POGLUT2: variants seen among roughly 807,000 people sequenced by gnomAD.
POGLUT2 encodes protein O-glucosyltransferase 2, also known as ER protein 58.
POGLUT2 carries 47 observed loss-of-function variants against 57.6 expected under a neutral mutation model. The ratio of observed to expected loss-of-function variants is 0.82; its 90% CI spans 0.65 to 1.04. The LOEUF (loss-of-function observed/expected upper bound fraction) is 1.04. Among genes scored for constraint, POGLUT2 ranks in the 50% least tolerant of loss-of-function variants. POGLUT2 has a pLI of 0.00. For missense variants in POGLUT2, 565 were observed against 614.8 expected, an observed-to-expected ratio of 0.92 and a Z score of 0.86; for synonymous variants, 200 against 218.8, an observed-to-expected ratio of 0.91 and a Z score of 0.76.
At chr13:102,792,860 C>T (rs1248378495) in intron 4 of POGLUT2, among the ~76,000 whole-genome samples, 1 of 152,164 alleles carries the variant, frequency 6.6e-6, no homozygotes, top group Non-Finnish European at 1.5e-5. Flanking sequence ...GTGGCGTGAT[C>T]TCGGCTCATG....
rs1278552743 is a variant in POGLUT2, at chr13:102,784,513, C to T, written c.1492-1G>A. The T allele has an allele frequency of 6.5e-7, 1 of 1,537,442 alleles. No individual in the cohort carries two copies. Among genetic ancestry groups the T allele is most frequent in the Non-Finnish European group, 9.0e-7 (1 of 1,116,324 alleles). On this transcript the variant is annotated splice_acceptor_variant, in intron 9 of 9. Coordinates refer to ENST00000376004, the MANE Select transcript of POGLUT2 (RefSeq NM_024089.3). LOFTEE classifies it high-confidence loss of function. Reference sequence around the variant, plus strand: ...TTGCATATCAGAGTTCATCTTTGGTCTGCAATTAAGAAGCAAAATATTTAG... The same window carrying T: ...TTGCATATCAGAGTTCATCTTTGGTTTGCAATTAAGAAGCAAAATATTTAG...
chr13:102,796,758 T>C (rs1355983140), intron 2 of POGLUT2, 46 bp downstream of exon 2: 1 of 932,518 alleles, frequency 1.1e-6, no homozygotes, highest in Admixed American at 2.0e-5. Context: ...ATAACATATA[T>C]TATTTTATTC....
chr13:102,792,087 C>T, intron 4 of POGLUT2: 1 of 1,285,528 alleles, frequency 7.8e-7, no homozygotes. Context: ...TATGACGGTA[C>T]TCTGATGTCT....
chr13:102,791,022 T>A lies in POGLUT2; in HGVS notation c.962A>T (p.Lys321Ile), dbSNP rs578002041. ...GAGTTCTGGGTGTTTTCTACTGAGT[T>A]TAACCAGCTCGAGTCTCTCTTTGCG... The part of the protein sequence containing the change: ...DSRKERLELV[K>I]LSRKHPELID... The change falls in exon 6 of 10, where the codon AAA becomes ATA. Residue 321 changes from lysine to isoleucine, a missense_variant. By Grantham distance (102) the Lys-to-Ile change is moderately radical. Transcript: ENST00000376004. 6.2e-7 allele frequency: 1 copy of A among 1,614,176 alleles called. No individual in the cohort carries two copies. Among genetic ancestry groups the A allele is most frequent in the Non-Finnish European group, 8.5e-7 (1 of 1,180,018 alleles).
At chr13:102,787,159 G>T in intron 8 of POGLUT2, among the ~76,000 whole-genome samples, 1 of 151,936 alleles carries the variant, frequency 6.6e-6, no homozygotes, top group Admixed American at 6.6e-5. Context: ...TGATTCTCCT[G>T]CCTCAGCCTC....
At chr13:102,793,452 T>G (rs1409605286) in intron 3 of POGLUT2, 34 bp from the exon 4 acceptor site, 2 of 1,420,340 alleles carry the variant, frequency 1.4e-6, no homozygotes, top group Admixed American at 3.5e-5. Context: ...TATGTTAGTC[T>G]AAAGACGCTG....
chr13:102,791,022 T>G lies in POGLUT2; in HGVS notation c.962A>C (p.Lys321Thr), dbSNP rs578002041. Reference protein sequence around the residue: ...DSRKERLELVKLSRKHPELID... With the variant: ...DSRKERLELVTLSRKHPELID... ...GAGTTCTGGGTGTTTTCTACTGAGT[T>G]TAACCAGCTCGAGTCTCTCTTTGCG... Residue 321 changes from lysine (K) to threonine (T), a missense_variant, in exon 6 of 10, where the codon AAA becomes ACA. Lys to Thr is a moderately conservative substitution (Grantham distance 78). Coordinates refer to ENST00000376004, the MANE Select transcript of POGLUT2 (RefSeq NM_024089.3). 1 of 1,614,176 alleles carries G rather than the reference T, an allele frequency of 6.2e-7. No individual in the cohort carries two copies. Among genetic ancestry groups the G allele is most frequent in the Non-Finnish European group, 8.5e-7 (1 of 1,180,018 alleles).
intron 4 of POGLUT2, among the ~76,000 whole-genome samples, chr13:102,792,977 T>G (rs1036579833): frequency 2.6e-5 from 4 of 152,188 alleles, no homozygotes; most frequent in African/African-American, 9.7e-5. Context: ...GTCTTCACCA[T>G]GTTGCCCAGC....
At chr13:102,787,975 C>G (rs1878018576) in intron 7 of POGLUT2, 52 bp from the exon 8 acceptor site, 3 of 1,123,794 alleles carry the variant, frequency 2.7e-6, no homozygotes, top group Non-Finnish European at 4.0e-6. Context: ...TTTTCCCATG[C>G]AGGCATCTGC....
rs767940345 is a variant in POGLUT2 at position 102,798,630 on chromosome 13, G to A, written c.41C>T (p.Thr14Ile). ...GCCGGTCTCGGCGAGTGCTGGAACT[G>A]TCGCCAGAAAGAAGCAATAAAGTAG... ...TLLLYCFFLA[T>I]VPALAETGGE... is the part of the protein sequence containing the mutation. Residue 14 changes from threonine (T) to isoleucine (I), a missense_variant, in exon 1 of 10, where the codon ACA (threonine) becomes ATA (isoleucine). Thr to Ile is a moderately conservative substitution (Grantham distance 89). Coordinates refer to ENST00000376004, the MANE Select transcript of POGLUT2 (RefSeq NM_024089.3). The A allele has an allele frequency of 2.1e-5, 34 of 1,609,866 alleles. No homozygotes were observed. In the East Asian group the frequency reaches 6.9e-4, roughly 33 times the overall value.
rs770990781 is a variant in POGLUT2, at chr13:102,786,335, T to C, written c.1388A>G (p.Tyr463Cys). Residue 463 changes from tyrosine to cysteine, a missense_variant, in exon 9 of 10, where the codon TAT becomes TGT. Tyr to Cys is a radical substitution (Grantham distance 194). Coordinates refer to ENST00000376004, the MANE Select transcript of POGLUT2 (RefSeq NM_024089.3). ...FCYYFKLFQE[Y>C]ANLQVSEPQI... ...GGGCTCACTCACTTGTAAATTGGCA[T>C]ATTCCTGTTTAAGCAACAATATAAA... 3.1e-6 allele frequency: 5 copies of C among 1,603,906 alleles called. No homozygotes were observed. In the South Asian group the frequency reaches 4.4e-5, roughly 14 times the overall value.
chr13:102,786,313 C>T lies in POGLUT2; in HGVS notation c.1410G>A (p.Glu470=), dbSNP rs1318112043. 6.2e-7 allele frequency: 1 copy of T among 1,613,570 alleles called. No individual in the cohort carries two copies. Among genetic ancestry groups the T allele is most frequent in the South Asian group, 1.1e-5 (1 of 91,068 alleles). The part of the protein sequence containing the change: ...FQEYANLQVS[E]PQIREGMKRV... ...TTTTCATGCCCTCTCGGATTTGGGG[C>T]TCACTCACTTGTAAATTGGCATATT... Residue 470 remains glutamate (E), a synonymous_variant, in exon 9 of 10, where the codon GAG becomes GAA. Coordinates refer to ENST00000376004, the MANE Select transcript of POGLUT2 (RefSeq NM_024089.3).
chr13:102,787,759 T>A, intron 8 of POGLUT2, 75 bp downstream of exon 8: 1 of 737,808 alleles, frequency 1.4e-6, no homozygotes, highest in Non-Finnish European at 2.2e-6. Context: ...GTTTAGAAAT[T>A]GTTAAGTAAA....
chr13:102,785,114 G>C (rs917088171), intron 9 of POGLUT2, among the ~76,000 whole-genome samples: 2 of 152,172 alleles, frequency 1.3e-5, no homozygotes, highest in Admixed American at 6.5e-5. Flanking sequence ...TGGTTAATGA[G>C]TTCTATAAAA....
chr13:102,793,446 TTA>T, intron 3 of POGLUT2, 28 bp from the exon 4 acceptor site: 1 of 1,465,788 alleles, frequency 6.8e-7, no homozygotes. Context: ...ATTTATTATG[TTA>T]GTCTAAAGAC....
Position 102,798,824 on chromosome 13 carries a change from G to A in POGLUT2, c.-154C>T. On this transcript the variant is annotated 5_prime_UTR_variant, in exon 1 of 10. Coordinates refer to ENST00000376004, the MANE Select transcript of POGLUT2 (RefSeq NM_024089.3). ...GCCCGGCGTGCAGGGCAGGCGCGCG[G>A]GTCTCCGCGACCCCAGGACAATCAA... The A allele has an allele frequency of 1.4e-6, 1 of 714,828 alleles. No homozygotes were observed. The highest frequency in any genetic ancestry group is 2.2e-6 in the Non-Finnish European group (1 of 460,720). 44.3% of individuals were successfully genotyped at this position (714,828 alleles called of 1,614,324 possible).
At chr13:102,794,692 C>T (rs966369534) in intron 2 of POGLUT2, among the ~76,000 whole-genome samples, 1 of 151,988 alleles carries the variant, frequency 6.6e-6, no homozygotes, top group Non-Finnish European at 1.5e-5. Context: ...ACAACAGATA[C>T]TTGGTTTATG....
At chr13:102,791,956 C>T (rs1484421760) in intron 4 of POGLUT2, 2 of 1,273,240 alleles carry the variant, frequency 1.6e-6, no homozygotes, top group Non-Finnish European at 2.1e-6. Flanking sequence ...ATTTACAAAA[C>T]AACAGATATA....
At position 102,793,777 on chromosome 13, in the gene POGLUT2, GAC is replaced by G. The variant is rs1363787235; in HGVS notation, c.416_417del (p.Cys139SerfsTer5). Reference sequence around the variant, plus strand: ...AGCCAGGCTGCACTATCTTGCAGAGGACAGTCACAGTTCTCATGGTAAACCGG... The same window carrying G: ...AGCCAGGCTGCACTATCTTGCAGAGGAGTCACAGTTCTCATGGTAAACCGG... Reference protein sequence around the residue: ...KGPVYHENCDCPLQDSAAWLR... With the variant: ...KGPVYHENCDXPLQDSAAWLR... On this transcript the variant is annotated frameshift_variant, in exon 3 of 10. Coordinates refer to ENST00000376004, the MANE Select transcript of POGLUT2 (RefSeq NM_024089.3). LOFTEE classifies it high-confidence loss of function. 8.7e-6 allele frequency: 14 copies of G among 1,614,176 alleles called. No individual in the cohort carries two copies. Among genetic ancestry groups the G allele is most frequent in the Admixed American group, 1.7e-5 (1 of 60,022 alleles).
Sources: allele counts gnomAD v4.1 joint callset (sites outside exome capture counted in the v4.1 genomes callset), GRCh38; gene constraint gnomAD v4.1.1; transcripts MANE v1.5; gene names NCBI Gene and HGNC (gene_info 2026-07-23, HGNC 2026-07-21).